MLXIP: variants seen among roughly 807,000 people sequenced by gnomAD.
MLXIP encodes MLX-interacting protein.
Under a neutral mutation model 87.2 loss-of-function variants are expected in MLXIP, and 30 were observed. The ratio of observed to expected loss-of-function variants is 0.34; its 90% confidence interval spans 0.26 to 0.47. The LOEUF (loss-of-function observed/expected upper bound fraction) is 0.47. MLXIP is among the 20% of genes least tolerant of loss of function. The pLI, the probability that MLXIP is intolerant of heterozygous loss-of-function variation, is 1.00. For missense variants in MLXIP, 1,002 were observed against 1,240.1 expected, an observed-to-expected ratio of 0.81 and a Z score of 2.88; for synonymous variants, 530 against 514.0, an observed-to-expected ratio of 1.03 and a Z score of -0.42.
At chr12:122,130,998 C>T (rs552604683) in intron 7 of MLXIP, 65 bp downstream of exon 7, 44 of 1,082,416 alleles carry the variant, frequency 4.1e-5, no homozygotes, top group Middle Eastern at 2.0e-4. Flanking sequence ...CAGAGCAGAT[C>T]GCTGCCTTCC....
chr12:122,084,076 A>T (rs1952130227), intron 1 of MLXIP, among the ~76,000 whole-genome samples: 1 of 151,962 alleles, frequency 6.6e-6, no homozygotes, highest in South Asian at 2.1e-4. Context: ...ATAGTTATAG[A>T]ACAGTTAGTA....
chr12:122,123,318 C>G (rs187236998), intron 1 of MLXIP, among the ~76,000 whole-genome samples: 4 of 152,166 alleles, frequency 2.6e-5, no homozygotes, highest in African/African-American at 7.2e-5. Flanking sequence ...CTTTCCGGCC[C>G]GCCGTGGCTG....
chr12:122,101,036 A>T (rs147802020), intron 1 of MLXIP, among the ~76,000 whole-genome samples: 65,730 of 151,952 alleles, frequency 0.43, 14,553 homozygotes, highest in Middle Eastern at 0.62. Flanking sequence ...TCTTCAAAAA[A>T]TTATAATATA....
chr12:122,098,181 G>A (rs1202472295), intron 1 of MLXIP, among the ~76,000 whole-genome samples: 1 of 152,228 alleles, frequency 6.6e-6, no homozygotes, highest in Admixed American at 6.5e-5. Context: ...GACTGACCCT[G>A]ATTGGTAAAA....
chr12:122,138,081 C>T (rs1051173594), intron 12 of MLXIP, 113 bp from the exon 13 acceptor site: 14 of 849,768 alleles, frequency 1.6e-5, no homozygotes, highest in African/African-American at 1.0e-4. Context: ...CCTCCTCCCA[C>T]GTAGCTCTCT....
chr12:122,115,449 C>T (rs1952675506), intron 1 of MLXIP, among the ~76,000 whole-genome samples: 1 of 151,716 alleles, frequency 6.6e-6, no homozygotes, highest in Non-Finnish European at 1.5e-5. Context: ...ATTAGCTGGG[C>T]ATGGTAGCGG....
intron 1 of MLXIP, among the ~76,000 whole-genome samples, chr12:122,095,060 CTG>C (rs1215911172): frequency 9.9e-5 from 11 of 110,982 alleles, no homozygotes; most frequent in African/African-American, 3.3e-4. Context: ...TGTGTGGTGT[CTG>C]TGGGGTGGTG....
intron 5 of MLXIP, 99 bp downstream of exon 5, chr12:122,129,728 G>C: frequency 6.8e-7 from 1 of 1,469,638 alleles, no homozygotes; most frequent in South Asian, 1.2e-5. Context: ...GGCAGGCCAT[G>C]GGCCCTCCCT....
At chr12:122,131,674 C>T (rs1164431204) in intron 7 of MLXIP, among the ~76,000 whole-genome samples, 1 of 151,812 alleles carries the variant, frequency 6.6e-6, no homozygotes, top group Admixed American at 6.6e-5. Flanking sequence ...GATCCTCCTG[C>T]CTCTGCTTCC....
rs530963765 is a variant in MLXIP, at chr12:122,133,410, C to T, written c.1155C>T (p.Pro385=). Residue 385 remains proline, a synonymous_variant, in exon 9 of 17, where the codon CCC becomes CCT. Coordinates refer to ENST00000319080, the MANE Select transcript of MLXIP (RefSeq NM_014938.6). The surrounding 1 kb of genome is among the most constrained non-coding windows in gnomAD (Gnocchi z 4.9). ...TVSLPDSLIA[P]PTAPSLAHMD... ...GCCTTCCTGACAGCCTCATCGCGCC[C>T]CCTACCGCCCCATCCCTGGCTCACA... 10 of 1,607,146 alleles carry T rather than the reference C, an allele frequency of 6.2e-6. No individual in the cohort carries two copies. The Admixed American group carries it at 1.2e-4, about 19-fold the overall frequency.
Position 122,130,116 on chromosome 12 carries a change from A to G in MLXIP, c.910+4A>G. ...TGGCCCAATCCCCGGGAAATAGGTA[A>G]CCCAAACCAGGGCCTTGGGCTTTGA... On this transcript the variant is annotated splice_donor_region_variant and intron_variant, in intron 6 of 16. Coordinates refer to ENST00000319080, the MANE Select transcript of MLXIP (RefSeq NM_014938.6). 1 of 1,612,184 alleles carries G rather than the reference A, an allele frequency of 6.2e-7. No individual in the cohort carries two copies. Among genetic ancestry groups the G allele is most frequent in the Non-Finnish European group, 8.5e-7 (1 of 1,179,148 alleles).
chr12:122,121,113 G>A (rs1215249033), intron 1 of MLXIP, among the ~76,000 whole-genome samples: 1 of 147,494 alleles, frequency 6.8e-6, no homozygotes, highest in African/African-American at 2.5e-5. Context: ...AGGTTCAAGC[G>A]ATTCCCCTGC....
chr12:122,120,720 C>T (rs1189458593), intron 1 of MLXIP, among the ~76,000 whole-genome samples: 1 of 152,150 alleles, frequency 6.6e-6, no homozygotes, highest in Non-Finnish European at 1.5e-5. Context: ...CACCTCCACC[C>T]CCTCTTCAGG....
Position 122,133,436 on chromosome 12 carries a change from T to C in MLXIP, c.1181T>C (p.Met394Thr). 6.2e-7 allele frequency: 1 copy of C among 1,612,878 alleles called. No homozygotes were observed. The highest frequency in any genetic ancestry group is 8.5e-7 in the Non-Finnish European group (1 of 1,179,366). Reference protein sequence around the residue: ...APPTAPSLAHMDEQGCEHTSR... With the variant: ...APPTAPSLAHTDEQGCEHTSR... ...CCTACCGCCCCATCCCTGGCTCACA[T>C]GGATGAGCAGGGCTGTGAACACACC... Residue 394 changes from methionine to threonine, a missense_variant, in exon 9 of 17, where the codon ATG becomes ACG. Met to Thr is a moderately conservative substitution (Grantham distance 81). Transcript: ENST00000319080. The surrounding 1 kb of genome is among the most constrained non-coding windows in gnomAD (Gnocchi z 4.9).
chr12:122,121,678 T>A (rs1316926661), intron 1 of MLXIP, among the ~76,000 whole-genome samples: 1 of 152,110 alleles, frequency 6.6e-6, no homozygotes, highest in Non-Finnish European at 1.5e-5. Flanking sequence ...CGGCCTGCCC[T>A]CTCTGCCTGC....
At chr12:122,092,968 G>A (rs1273574373) in intron 1 of MLXIP, among the ~76,000 whole-genome samples, 1 of 144,852 alleles carries the variant, frequency 6.9e-6, no homozygotes, top group Non-Finnish European at 1.5e-5. Flanking sequence ...GGGGTGTGTG[G>A]TGTGGGTATG....
rs778921300 is a variant in MLXIP at position 122,130,875 on chromosome 12, G to A, written c.942G>A (p.Pro314=). The A allele has an allele frequency of 9.9e-6, 16 of 1,613,554 alleles. No homozygotes were observed. Among genetic ancestry groups the A allele is most frequent in the Admixed American group, 8.3e-5 (5 of 59,976 alleles). ...AHLGNADMIQ[P]GLIPLQPNLD... is the part of the protein sequence containing the mutation. Reference sequence around the variant, plus strand: ...TGGGAAATGCAGACATGATCCAGCCGGGACTGATTCCTTTGCAGCCTAACC... The same window carrying A: ...TGGGAAATGCAGACATGATCCAGCCAGGACTGATTCCTTTGCAGCCTAACC... Residue 314 remains proline, a synonymous_variant, in exon 7 of 17, where the codon CCG becomes CCA. Coordinates refer to ENST00000319080, the MANE Select transcript of MLXIP (RefSeq NM_014938.6).
rs529030229 is a variant in MLXIP, at chr12:122,139,953, C to T, written c.2509-1001C>T. On this transcript the variant is annotated intron_variant, in intron 15 of 16. Coordinates refer to ENST00000319080, the MANE Select transcript of MLXIP (RefSeq NM_014938.6). ...CCTCCCAAAGTGCTGGGATTACAGG[C>T]GTGAGCCACCGTGCCCGGCCATAAG... 5.3e-5 allele frequency among the ~76,000 whole-genome samples: 8 copies of T among 152,324 alleles called. No homozygotes were observed. The South Asian group carries it at 6.2e-4, about 12-fold the overall frequency.
intron 1 of MLXIP, among the ~76,000 whole-genome samples, chr12:122,103,097 A>G (rs1317379797): frequency 6.6e-6 from 1 of 151,952 alleles, no homozygotes; most frequent in Admixed American, 6.6e-5. Flanking sequence ...TCGACCTCCC[A>G]GGCTCAAGGC....
Sources: allele counts gnomAD v4.1 joint callset (sites outside exome capture counted in the v4.1 genomes callset), GRCh38; gene constraint gnomAD v4.1.1; non-coding constraint Gnocchi (gnomAD v3.1); transcripts MANE v1.5; gene names NCBI Gene and HGNC (gene_info 2026-07-23, HGNC 2026-07-21).